Variants in ARB2A observed in about 807,000 individuals in gnomAD.
The protein encoded by ARB2A is cotranscriptional regulator ARB2A.
chr5:93,981,387 T>C, the ARB2A span, among the ~76,000 whole-genome samples: 6 of 152,100 alleles, frequency 3.9e-5, no homozygotes, highest in African/African-American at 1.4e-4. Context: ...TATATTTAAG[T>C]CTCATTTCCT....
the ARB2A span, among the ~76,000 whole-genome samples, chr5:93,792,229 G>A: frequency 1.3e-5 from 2 of 152,038 alleles, no homozygotes; most frequent in Admixed American, 6.5e-5. Flanking sequence ...ACCAGAGTAG[G>A]CAAGATATTA....
chr5:93,886,032 G>T, the ARB2A span, among the ~76,000 whole-genome samples: 2 of 151,534 alleles, frequency 1.3e-5, no homozygotes, highest in Admixed American at 1.3e-4. Flanking sequence ...GTACAAAAAC[G>T]CACTTATCAA....
At chr5:94,066,641 A>T in the ARB2A span, among the ~76,000 whole-genome samples, 1 of 152,224 alleles carries the variant, frequency 6.6e-6, no homozygotes, top group African/African-American at 2.4e-5. Flanking sequence ...ATCAGGAAGA[A>T]ATAGAAAACC....
chr5:93,720,767 T>C, the ARB2A span, among the ~76,000 whole-genome samples: 1 of 152,194 alleles, frequency 6.6e-6, no homozygotes, highest in Non-Finnish European at 1.5e-5. Flanking sequence ...TGAGACTTTA[T>C]TTCTCTTGCT....
the ARB2A span, among the ~76,000 whole-genome samples, chr5:93,724,603 T>C: frequency 8.5e-5 from 13 of 152,088 alleles, no homozygotes; most frequent in Non-Finnish European, 1.3e-4. Context: ...TCTATCAATA[T>C]ATCAAATGAT....
the ARB2A span, among the ~76,000 whole-genome samples, chr5:93,961,018 A>C: frequency 6.6e-6 from 1 of 152,186 alleles, no homozygotes; most frequent in South Asian, 2.1e-4. Flanking sequence ...AAATAGGAGA[A>C]TTGCTCAGTT....
chr5:93,755,253 A>G, the ARB2A span, among the ~76,000 whole-genome samples: 2 of 152,238 alleles, frequency 1.3e-5, no homozygotes. Context: ...AATATAGACT[A>G]TAAAATAAAT....
At chr5:93,760,506 A>G in the ARB2A span, among the ~76,000 whole-genome samples, 1 of 152,250 alleles carries the variant, frequency 6.6e-6, no homozygotes, top group Admixed American at 6.5e-5. Context: ...AAACTATAGT[A>G]TAAGGTTACA....
the ARB2A span, among the ~76,000 whole-genome samples, chr5:94,099,480 C>T: frequency 3.3e-5 from 5 of 151,486 alleles, no homozygotes; most frequent in African/African-American, 9.7e-5. Flanking sequence ...AAAAATTAGC[C>T]GGGCATGGTG....
At chr5:94,104,477 A>C in the ARB2A span, among the ~76,000 whole-genome samples, 2 of 152,038 alleles carry the variant, frequency 1.3e-5, no homozygotes, top group Admixed American at 1.3e-4. Flanking sequence ...GAAACCCTGA[A>C]CAGACCAATA....
chr5:93,681,105 G>A, the ARB2A span, among the ~76,000 whole-genome samples: 14 of 151,626 alleles, frequency 9.2e-5, no homozygotes, highest in African/African-American at 3.4e-4. Flanking sequence ...TATATGTAAT[G>A]TTTCCTTTTT....
At chr5:94,030,875 C>T in the ARB2A span, among the ~76,000 whole-genome samples, 1 of 152,106 alleles carries the variant, frequency 6.6e-6, no homozygotes, top group Non-Finnish European at 1.5e-5. Context: ...ATATTTTGCC[C>T]TTTTGGAACA....
chr5:93,872,093 CG>C, the ARB2A span, among the ~76,000 whole-genome samples: 1 of 151,720 alleles, frequency 6.6e-6, no homozygotes, highest in Admixed American at 6.6e-5. Context: ...GGACTACAGG[CG>C]CGCACCACCA....
the ARB2A span, among the ~76,000 whole-genome samples, chr5:93,966,546 A>G: frequency 1.3e-5 from 2 of 152,114 alleles, no homozygotes; most frequent in Admixed American, 1.3e-4. Flanking sequence ...AAAACTATAT[A>G]TCAAGTAAGA....
At chr5:94,108,215 G>A in the ARB2A span, among the ~76,000 whole-genome samples, 73 of 151,800 alleles carry the variant, frequency 4.8e-4, no homozygotes, top group South Asian at 8.8e-3. Context: ...CAAAACAAAC[G>A]ACATCTACTA....
chr5:94,029,987 CAA>C, the ARB2A span, among the ~76,000 whole-genome samples: 14 of 152,198 alleles, frequency 9.2e-5, no homozygotes, highest in African/African-American at 2.2e-4. Context: ...TGGCAGCAGA[CAA>C]GAGAGAGAGA....
At chr5:94,017,451 T>C in the ARB2A span, among the ~76,000 whole-genome samples, 1 of 152,120 alleles carries the variant, frequency 6.6e-6, no homozygotes, top group African/African-American at 2.4e-5. Flanking sequence ...GGATAAGAAT[T>C]AGAATGTATG....
chr5:93,941,179 G>A, the ARB2A span, among the ~76,000 whole-genome samples: 19 of 151,960 alleles, frequency 1.3e-4, no homozygotes, highest in Non-Finnish European at 1.9e-4. Context: ...CCAAAGCATT[G>A]ATTATAACTG....
chr5:93,817,008 T>C, the ARB2A span, among the ~76,000 whole-genome samples: 1 of 151,800 alleles, frequency 6.6e-6, no homozygotes, highest in Admixed American at 6.6e-5. Context: ...TGCATCCAGA[T>C]TGAAAAGGAA....
Sources: allele counts gnomAD v4.1 joint callset (sites outside exome capture counted in the v4.1 genomes callset), GRCh38; gene constraint gnomAD v4.1.1; transcripts MANE v1.5; gene names NCBI Gene and HGNC (gene_info 2026-07-23, HGNC 2026-07-21).